The following ADAMTS18 variants were observed in gnomAD, a reference collection of about 807,000 sequenced individuals.
ADAMTS18 encodes the protein ADAM metallopeptidase with thrombospondin type 1 motif 18.
In ADAMTS18, 157 loss-of-function variants were observed where a neutral mutation model predicts 165.9. The ratio of observed to expected loss-of-function variants is 0.95; its 90% confidence interval spans 0.83 to 1.08. The LOEUF is 1.08. Ranked by LOEUF, ADAMTS18 falls within the 50% of genes least tolerant of loss-of-function variation. The pLI is 0.00. For missense variants in ADAMTS18, 2,040 were observed against 1,534.0 expected (o/e 1.33, Z -5.51); for synonymous variants, 782 against 578.2 (o/e 1.35, Z -5.06).
chr16:77,311,700 G>GGTTTTTTTTTTTTTT (rs141522765), intron 16 of ADAMTS18, among the ~76,000 whole-genome samples: 2 of 94,230 alleles, frequency 2.1e-5, no homozygotes, highest in South Asian at 3.0e-4. Flanking sequence ...GATTACTGGA[G>GGTTTTTTTTTTTTTT]TTTTCTTTTT....
intron 7 of ADAMTS18, among the ~76,000 whole-genome samples, chr16:77,360,485 A>T: frequency 6.6e-6 from 1 of 151,414 alleles, no homozygotes; most frequent in Non-Finnish European, 1.5e-5. Flanking sequence ...TCCACAGTTG[A>T]TAGAATTTCT....
At chr16:77,427,878 T>C (rs2057693103) in intron 3 of ADAMTS18, among the ~76,000 whole-genome samples, 1 of 152,162 alleles carries the variant, frequency 6.6e-6, no homozygotes, top group African/African-American at 2.4e-5. Context: ...GCTAGCAAAA[T>C]TTTAGCTGGA....
At chr16:77,392,695 G>A (rs539502110) in intron 3 of ADAMTS18, among the ~76,000 whole-genome samples, 1 of 152,202 alleles carries the variant, frequency 6.6e-6, no homozygotes, top group African/African-American at 2.4e-5. Context: ...CCTAGCATAG[G>A]GTAGACGTCG....
intron 15 of ADAMTS18, 27 bp from the exon 16 acceptor site, chr16:77,320,120 G>C (rs778212622): frequency 6.2e-7 from 1 of 1,613,764 alleles, no homozygotes; most frequent in Non-Finnish European, 8.5e-7. Flanking sequence ...GAACATGTCT[G>C]AATTCCACCC....
chr16:77,387,556 C>G (rs998139877), intron 3 of ADAMTS18, among the ~76,000 whole-genome samples: 1 of 152,136 alleles, frequency 6.6e-6, no homozygotes, highest in African/African-American at 2.4e-5. Context: ...ACTCCATATC[C>G]CTTTTCATTT....
At chr16:77,313,709 T>G (rs2055828141) in intron 16 of ADAMTS18, among the ~76,000 whole-genome samples, 1 of 152,168 alleles carries the variant, frequency 6.6e-6, no homozygotes. Flanking sequence ...CAGGTTCACT[T>G]TCAGCTACAG....
chr16:77,421,413 GT>G (rs997820027), intron 3 of ADAMTS18, among the ~76,000 whole-genome samples: 21 of 152,342 alleles, frequency 1.4e-4, no homozygotes, highest in African/African-American at 4.1e-4. Flanking sequence ...CCAAGCAAAT[GT>G]TTTTGGTCAT....
At chr16:77,290,768 T>C (rs1426279158) in intron 21 of ADAMTS18, 1 of 171,972 alleles carries the variant, frequency 5.8e-6, no homozygotes, top group Admixed American at 5.5e-5. Flanking sequence ...CGAAGTATCC[T>C]TGGCTGAATT....
chr16:77,335,787 T>G lies in ADAMTS18; in HGVS notation c.1828A>C (p.Lys610Gln). Residue 610 changes from lysine (K) to glutamine (Q), a missense_variant, in exon 12 of 23, where the codon AAG (lysine) becomes CAG (glutamine). Transcript: ENST00000282849. ...ECSRTCGGGV[K>Q]FQERHCNNPK... is the part of the protein sequence containing the mutation. ...TTATTGCAGTGTCTCTCCTGGAACT[T>G]GACTCCTCCACCACATGTCCGGGAA... 1.2e-6 allele frequency: 2 copies of G among 1,614,234 alleles called. No homozygotes were observed. The highest frequency in any genetic ancestry group is 1.7e-6 in the Non-Finnish European group (2 of 1,180,030).
chr16:77,413,985 G>A (rs1434439864), intron 3 of ADAMTS18, among the ~76,000 whole-genome samples: 1 of 152,102 alleles, frequency 6.6e-6, no homozygotes, highest in African/African-American at 2.4e-5. Flanking sequence ...GAATTGTACA[G>A]TTTTCTATAC....
At position 77,362,241 on chromosome 16, in the gene ADAMTS18, A is replaced by G. The variant is rs758924877; in HGVS notation, c.1080T>C (p.His360=). Residue 360 remains histidine, a synonymous_variant, in exon 7 of 23, where the codon CAT becomes CAC. Coordinates refer to ENST00000282849, the MANE Select transcript of ADAMTS18 (RefSeq NM_199355.4). ...QEPGGLLINH[H]ADQSLNSFCQ... ...AAAAACTATTCAGAGACTGGTCTGC[A>G]TGATGGTTGATCAATAATCCTCCCT... 8 of 1,614,068 alleles carry G rather than the reference A, an allele frequency of 5.0e-6. No homozygotes were observed. Among genetic ancestry groups the G allele is most frequent in the Non-Finnish European group, 6.8e-6 (8 of 1,180,030 alleles).
chr16:77,291,548 G>C lies in ADAMTS18; in HGVS notation c.3190-70C>G, dbSNP rs911230309. Reference sequence around the variant, plus strand: ...CACATCTTCTGGACAGAGGCAGTTTGACATAAGGTTGCACCATCCACATGA... The same window carrying C: ...CACATCTTCTGGACAGAGGCAGTTTCACATAAGGTTGCACCATCCACATGA... On this transcript the variant is annotated intron_variant, in intron 20 of 22. Coordinates refer to ENST00000282849, the MANE Select transcript of ADAMTS18 (RefSeq NM_199355.4). 7 of 1,483,702 alleles carry C rather than the reference G, an allele frequency of 4.7e-6. No homozygotes were observed. In the African/African-American group the frequency reaches 5.5e-5, roughly 12 times the overall value. 91.9% of individuals were successfully genotyped at this position (1,483,702 alleles called of 1,614,324 possible). A position where few individuals can be genotyped will look rare whatever the true frequency, so the allele number is the denominator to read the frequency against.
At chr16:77,423,074 G>A (rs181721831) in intron 3 of ADAMTS18, among the ~76,000 whole-genome samples, 429 of 152,280 alleles carry the variant, frequency 2.8e-3, no homozygotes, top group African/African-American at 9.9e-3. Flanking sequence ...AATGTTCAGA[G>A]GTGGGACCCA....
intron 12 of ADAMTS18, among the ~76,000 whole-genome samples, chr16:77,333,292 C>G (rs2056220284): frequency 6.6e-6 from 1 of 151,996 alleles, no homozygotes; most frequent in African/African-American, 2.4e-5. Context: ...TTTTCTCACA[C>G]TAGGGCCTGT....
chr16:77,377,764 TA>T (rs2056973494), intron 3 of ADAMTS18, among the ~76,000 whole-genome samples: 1 of 152,218 alleles, frequency 6.6e-6, no homozygotes, highest in African/African-American at 2.4e-5. Flanking sequence ...TCACATTCTT[TA>T]AAAATTTTTT....
At chr16:77,411,492 C>T (rs2057462466) in intron 3 of ADAMTS18, among the ~76,000 whole-genome samples, 1 of 152,030 alleles carries the variant, frequency 6.6e-6, no homozygotes, top group Non-Finnish European at 1.5e-5. Flanking sequence ...GGAGTTCATA[C>T]ACTCATGACA....
At chr16:77,284,751 G>A (rs1315624681) in intron 22 of ADAMTS18, among the ~76,000 whole-genome samples, 1 of 152,148 alleles carries the variant, frequency 6.6e-6, no homozygotes, top group Non-Finnish European at 1.5e-5. Flanking sequence ...TGGTGCTTTA[G>A]GGATCCCCTA....
At chr16:77,388,806 G>C (rs2144785207) in intron 3 of ADAMTS18, among the ~76,000 whole-genome samples, 1 of 152,312 alleles carries the variant, frequency 6.6e-6, no homozygotes, top group African/African-American at 2.4e-5. Flanking sequence ...TTCTGGTCCA[G>C]TTTTTTAATC....
intron 20 of ADAMTS18, among the ~76,000 whole-genome samples, chr16:77,292,048 G>A (rs1226808594): frequency 6.6e-6 from 1 of 152,168 alleles, no homozygotes; most frequent in East Asian, 1.9e-4. Context: ...GCTCAGGCCT[G>A]TAATCACAGC....
Sources: gnomAD v4.1 joint callset for allele counts (sites outside exome capture counted in the v4.1 genomes callset) on GRCh38, gnomAD v4.1.1 for gene constraint, MANE v1.5 for transcripts, NCBI Gene and HGNC (gene_info 2026-07-23, HGNC 2026-07-21) for gene names.